NAA15: variants seen among roughly 807,000 people sequenced by gnomAD.
NAA15 encodes the protein N-alpha-acetyltransferase 15, NatA auxiliary subunit, also known as N-terminal acetyltransferase.
Under a neutral mutation model 114.0 loss-of-function variants are expected in NAA15, and 34 were observed. The observed-to-expected ratio is 0.30, with a 90% CI of 0.23 to 0.40. The LOEUF (loss-of-function observed/expected upper bound fraction) is 0.40. NAA15 is among the 10% of genes least tolerant of loss of function. The pLI is 1.00. For missense variants in NAA15, 658 were observed against 1,004.5 expected (o/e 0.66, Z 4.66); for synonymous variants, 340 against 338.0 (o/e 1.01, Z -0.06).
chr4:139,351,481 C>T lies in NAA15; in HGVS notation c.908-24C>T, dbSNP rs756984620. On this transcript the variant is annotated intron_variant, in intron 8 of 19. Coordinates refer to ENST00000296543, the MANE Select transcript of NAA15 (RefSeq NM_057175.5). The stretch of plus-strand genomic sequence containing the variant: ...TAAGTAAATACTTGATAAATATAAG[C>T]GAAAAGGATTTTTCTCTTCCAAGGT... 26 of 1,355,496 alleles carry T rather than the reference C, an allele frequency of 1.9e-5. No individual in the cohort carries two copies. In the East Asian group the frequency reaches 2.5e-4, roughly 13 times the overall value. The allele number at this position is 1,355,496 out of a possible 1,614,324, so 84.0% of individuals were successfully genotyped here.
At chr4:139,345,908 A>C (rs1267758664) in intron 6 of NAA15, among the ~76,000 whole-genome samples, 1 of 152,092 alleles carries the variant, frequency 6.6e-6, no homozygotes, top group African/African-American at 2.4e-5. Flanking sequence ...GCAACAGAGC[A>C]AGACTCCGTA....
At position 139,390,513 on chromosome 4, in the gene NAA15, G is replaced by A. The variant is rs755091748; in HGVS notation, c.*2429G>A. 1.3e-5 allele frequency: 2 copies of A among 152,634 alleles called. No homozygotes were observed. The highest frequency in any genetic ancestry group is 2.9e-5 in the Non-Finnish European group (2 of 68,032). 9.5% of individuals were successfully genotyped at this position (152,634 alleles called of 1,614,324 possible). A position where few individuals can be genotyped will look rare whatever the true frequency, so the allele number is the denominator to read the frequency against. On this transcript the variant is annotated 3_prime_UTR_variant, in exon 20 of 20. Coordinates refer to ENST00000296543, the MANE Select transcript of NAA15 (RefSeq NM_057175.5). ...AAACAAGTGGAAAAAATGGAGTGAT[G>A]TTGTAATCTAAACAAGTGCCTTATG...
intron 2 of NAA15, among the ~76,000 whole-genome samples, chr4:139,334,554 A>T (rs1268450338): frequency 1.3e-5 from 2 of 152,212 alleles, no homozygotes; most frequent in African/African-American, 4.8e-5. Flanking sequence ...TATAAATTGT[A>T]TGCTTTATAA....
chr4:139,352,600 A>G (rs1387290158), intron 9 of NAA15, among the ~76,000 whole-genome samples: 3 of 146,514 alleles, frequency 2.0e-5, no homozygotes, highest in Non-Finnish European at 4.5e-5. Flanking sequence ...GACCCAACGT[A>G]TGGGCTTTTT....
chr4:139,325,112 GGC>G (rs72394538), intron 1 of NAA15, among the ~76,000 whole-genome samples: 38,615 of 149,826 alleles, frequency 0.26, 5,076 homozygotes, highest in African/African-American at 0.33. Context: ...TCATTCAAGG[GGC>G]GGGGGGTTTA....
chr4:139,390,858 GTGT>G lies in NAA15; in HGVS notation c.*2779_*2781del. On this transcript the variant is annotated 3_prime_UTR_variant, in exon 20 of 20. Coordinates refer to ENST00000296543, the MANE Select transcript of NAA15 (RefSeq NM_057175.5). Reference sequence around the variant, plus strand: ...CTTTATCAGGCCCTTGTTTTTCACAGTGTTGTTTGTACTCCATGGTGTATTGCT... The same window carrying G: ...CTTTATCAGGCCCTTGTTTTTCACAGTGTTTGTACTCCATGGTGTATTGCT... 6.6e-6 allele frequency: 1 copy of G among 152,252 alleles called. No individual in the cohort carries two copies. The highest frequency in any genetic ancestry group is 1.9e-4 in the East Asian group (1 of 5,188). 9.4% of individuals were successfully genotyped at this position (152,252 alleles called of 1,614,324 possible). A position where few individuals can be genotyped will look rare whatever the true frequency, so the allele number is the denominator to read the frequency against.
At chr4:139,370,771 T>C (rs1315477409) in intron 15 of NAA15, among the ~76,000 whole-genome samples, 1 of 152,226 alleles carries the variant, frequency 6.6e-6, no homozygotes, top group Non-Finnish European at 1.5e-5. Context: ...AAAATCCTTA[T>C]TTAGGACTGG....
chr4:139,320,668 A>G (rs747683292), intron 1 of NAA15, among the ~76,000 whole-genome samples: 1 of 152,088 alleles, frequency 6.6e-6, no homozygotes, highest in African/African-American at 2.4e-5. Context: ...CTACAGGCGC[A>G]TGCCACCACG....
At chr4:139,385,128 C>A in intron 18 of NAA15, 150 bp downstream of exon 18, 1 of 597,882 alleles carries the variant, frequency 1.7e-6, no homozygotes, top group Non-Finnish European at 2.5e-6. Context: ...CTTAAATAAG[C>A]TTCCTAAGCT....
chr4:139,371,506 C>CACACACACACACACAA (rs1748439020), intron 15 of NAA15, among the ~76,000 whole-genome samples: 1 of 125,194 alleles, frequency 8.0e-6, no homozygotes, highest in Admixed American at 7.3e-5. Context: ...AGCACACACA[C>CACACACACACACACAA]ACACACACAC....
In NAA15 at chr4:139,378,788, A is replaced by G; in HGVS notation, c.2089A>G (p.Arg697Gly). Residue 697 changes from arginine (R) to glycine (G), a missense_variant, in exon 17 of 20, where the codon AGG (arginine) becomes GGG (glycine). Arg to Gly is a moderately radical substitution (Grantham distance 125, BLOSUM62 -2). This residue lies in a region of NAA15 where 275 missense variants were observed against 371.1 expected (regional missense o/e 0.74). Transcript: ENST00000296543. ...KFLLMLQSVK[R>G]AFAIDSSHPW... ...TCTTTTGATGCTACAATCAGTAAAGAGGGCATTTGCTATTGATTCTAGTCA... is the reference window on the plus strand; with the variant it reads ...TCTTTTGATGCTACAATCAGTAAAGGGGGCATTTGCTATTGATTCTAGTCA... 1 of 1,560,562 alleles carries G rather than the reference A, an allele frequency of 6.4e-7. No homozygotes were observed.
intron 17 of NAA15, among the ~76,000 whole-genome samples, chr4:139,383,544 C>T (rs958166569): frequency 7.9e-5 from 12 of 152,216 alleles, no homozygotes; most frequent in African/African-American, 2.4e-4. Flanking sequence ...GATCTTGGCT[C>T]ACTGCAACCT....
intron 1 of NAA15, among the ~76,000 whole-genome samples, chr4:139,328,908 A>G (rs1306742631): frequency 1.4e-5 from 2 of 141,288 alleles, no homozygotes; most frequent in Admixed American, 7.2e-5. Flanking sequence ...TCTGTTGTCC[A>G]GGCTGGAGTG....
chr4:139,320,180 G>A (rs1579089610), intron 1 of NAA15, among the ~76,000 whole-genome samples: 2 of 152,254 alleles, frequency 1.3e-5, no homozygotes. Context: ...CTTAAATCCT[G>A]TGGAAAATGT....
At chr4:139,342,050 A>G (rs1030328740) in intron 4 of NAA15, among the ~76,000 whole-genome samples, 22 of 151,896 alleles carry the variant, frequency 1.4e-4, no homozygotes, top group Non-Finnish European at 2.1e-4. Flanking sequence ...TCTTCTTTCT[A>G]CCTCCACTGA....
chr4:139,357,311 CAT>C, intron 10 of NAA15, 73 bp from the exon 11 acceptor site: 1 of 1,265,696 alleles, frequency 7.9e-7, no homozygotes, highest in Non-Finnish European at 1.1e-6. Context: ...TGTTAATAAA[CAT>C]AGGGACCATT....
rs1039008186 is a variant in NAA15, at chr4:139,342,714, C to T, written c.403-112C>T. 148 of 941,752 alleles carry T rather than the reference C, an allele frequency of 1.6e-4. 1 individual carries two copies. The highest frequency in any genetic ancestry group is 6.2e-4 in the South Asian group (37 of 59,820). The allele number at this position is 941,752 out of a possible 1,614,324, so 58.3% of individuals were successfully genotyped here. ...CCACCCGCCTTAGCCTCCCAAAGTGCTGGGATTACAGGCGTGAGCCACTGC... is the reference window on the plus strand; with the variant it reads ...CCACCCGCCTTAGCCTCCCAAAGTGTTGGGATTACAGGCGTGAGCCACTGC... On this transcript the variant is annotated intron_variant, in intron 4 of 19. Transcript: ENST00000296543.
intron 17 of NAA15, among the ~76,000 whole-genome samples, chr4:139,380,801 C>T (rs1239218765): frequency 6.6e-6 from 1 of 152,122 alleles, no homozygotes; most frequent in Non-Finnish European, 1.5e-5. Flanking sequence ...GCTTCATTGC[C>T]TTTATTGAAA....
chr4:139,301,927 C>G, intron 1 of NAA15, 96 bp downstream of exon 1: 2 of 1,318,370 alleles, frequency 1.5e-6, no homozygotes, highest in Non-Finnish European at 2.1e-6. Context: ...GAGCCACTCC[C>G]GCCCGGGACC....
Sources: allele counts gnomAD v4.1 joint callset (sites outside exome capture counted in the v4.1 genomes callset), GRCh38; gene constraint gnomAD v4.1.1; regional missense constraint gnomAD v4.1.1; transcripts MANE v1.5; gene names NCBI Gene and HGNC (gene_info 2026-07-23, HGNC 2026-07-21).